Variants in TCERG1 observed in about 807,000 individuals in gnomAD.
The protein encoded by TCERG1 is transcription elongation regulator 1.
TCERG1 carries 37 observed loss-of-function variants against 144.7 expected under a neutral mutation model. The ratio of observed to expected loss-of-function variants is 0.26; its 90% confidence interval spans 0.20 to 0.34. The LOEUF is 0.34. Ranked by LOEUF, TCERG1 falls within the 10% of genes least tolerant of loss-of-function variation. The pLI is 1.00. For synonymous variants in TCERG1, 492 were observed against 458.2 expected, an observed-to-expected ratio of 1.07 and a Z score of -0.94; for missense variants, 1,027 against 1,380.7, an observed-to-expected ratio of 0.74 and a Z score of 4.06.
At chr5:146,477,178 T>G (rs928730798) in intron 9 of TCERG1, among the ~76,000 whole-genome samples, 1 of 148,914 alleles carries the variant, frequency 6.7e-6, no homozygotes, top group Non-Finnish European at 1.5e-5. Flanking sequence ...TTCCTTTTGG[T>G]TTTTTTTTTG....
At chr5:146,509,298 A>C in intron 22 of TCERG1, 53 bp downstream of exon 22, 2 of 1,200,908 alleles carry the variant, frequency 1.7e-6, no homozygotes, top group Non-Finnish European at 2.4e-6. Flanking sequence ...ACTAGTCTTT[A>C]CTCTAATGGT....
chr5:146,458,829 T>G (rs1763060848), intron 3 of TCERG1, 55 bp from the exon 4 acceptor site: 2 of 1,546,706 alleles, frequency 1.3e-6, no homozygotes, highest in Admixed American at 2.0e-5. Context: ...CCATTCTTGT[T>G]TTTAATAATA....
Position 146,510,422 on chromosome 5 carries a change from C to T in TCERG1, c.3147-19C>T. Reference sequence around the variant, plus strand: ...TGAACAGCAGTCAGTAATTCTTGGACTTCTTTTTCTTATTTCAGATCCAAA... The same window carrying T: ...TGAACAGCAGTCAGTAATTCTTGGATTTCTTTTTCTTATTTCAGATCCAAA... On this transcript the variant is annotated intron_variant, in intron 22 of 22. Transcript: ENST00000679501. The T allele has an allele frequency of 1.9e-6, 3 of 1,584,744 alleles. No individual in the cohort carries two copies. The highest frequency in any genetic ancestry group is 2.6e-6 in the Non-Finnish European group (3 of 1,155,510).
chr5:146,453,107 G>T (rs1249371842), intron 1 of TCERG1, among the ~76,000 whole-genome samples: 2 of 152,134 alleles, frequency 1.3e-5, no homozygotes, highest in East Asian at 3.9e-4. Flanking sequence ...AAAAGCACTT[G>T]GGGGAAGAGA....
At position 146,492,913 on chromosome 5, in the gene TCERG1, A is replaced by G. The variant is rs1195571637; in HGVS notation, c.2164-7A>G. ...TGACTTGTCAAATTTGTTGATTTTT[A>G]TAATAGGTGTTTGATCAGTATGTAA... is the stretch of plus-strand genomic sequence containing the variant. On this transcript the variant is annotated splice_region_variant and splice_polypyrimidine_tract_variant and intron_variant, in intron 15 of 22. Coordinates refer to ENST00000679501, the MANE Select transcript of TCERG1 (RefSeq NM_001382548.1). 5 of 1,587,882 alleles carry G rather than the reference A, an allele frequency of 3.1e-6. No individual in the cohort carries two copies. The Admixed American group carries it at 8.8e-5, about 28-fold the overall frequency.
chr5:146,469,163 G>A (rs2150375985), intron 6 of TCERG1, among the ~76,000 whole-genome samples: 1 of 152,184 alleles, frequency 6.6e-6, no homozygotes, highest in East Asian at 1.9e-4. Context: ...AAGGAAATAT[G>A]TGTAGTAAAT....
chr5:146,468,026 T>C (rs1763941795), intron 5 of TCERG1, among the ~76,000 whole-genome samples: 1 of 152,204 alleles, frequency 6.6e-6, no homozygotes, highest in Admixed American at 6.5e-5. Flanking sequence ...TGGGAAAATG[T>C]CCCACATGAG....
At chr5:146,502,484 A>G (rs1767579734) in intron 17 of TCERG1, among the ~76,000 whole-genome samples, 1 of 152,214 alleles carries the variant, frequency 6.6e-6, no homozygotes, top group South Asian at 2.1e-4. Context: ...ATACATAAAA[A>G]TAACTATCTC....
intron 10 of TCERG1, 82 bp downstream of exon 10, chr5:146,478,735 A>G (rs1346753605): frequency 7.3e-7 from 1 of 1,367,036 alleles, no homozygotes; most frequent in African/African-American, 1.5e-5. Context: ...GCATTTAGAA[A>G]CCCTTTATTT....
intron 15 of TCERG1, among the ~76,000 whole-genome samples, chr5:146,490,700 C>T (rs187810105): frequency 2.2e-3 from 340 of 152,206 alleles, no homozygotes; most frequent in Admixed American, 3.9e-3. Flanking sequence ...CTTTTAGTTA[C>T]GGGAAATTCT....
At chr5:146,470,097 A>C (rs974511785) in intron 7 of TCERG1, among the ~76,000 whole-genome samples, 2 of 152,192 alleles carry the variant, frequency 1.3e-5, no homozygotes, top group African/African-American at 4.8e-5. Flanking sequence ...GTTCTGAAGA[A>C]AAAAATTTAG....
chr5:146,460,684 G>A (rs1361927984), intron 4 of TCERG1, among the ~76,000 whole-genome samples: 5 of 152,118 alleles, frequency 3.3e-5, no homozygotes, highest in African/African-American at 9.7e-5. Flanking sequence ...AGTCAAGTAA[G>A]GTACATATAA....
At chr5:146,479,379 A>G (rs1307825635) in intron 10 of TCERG1, among the ~76,000 whole-genome samples, 1 of 152,152 alleles carries the variant, frequency 6.6e-6, no homozygotes, top group Non-Finnish European at 1.5e-5. Flanking sequence ...AATTATAAGT[A>G]ATTTCTGAGT....
intron 14 of TCERG1, 104 bp downstream of exon 14, chr5:146,482,831 G>C (rs1430457449): frequency 1.6e-5 from 21 of 1,322,648 alleles, no homozygotes; most frequent in Middle Eastern, 4.9e-4. Context: ...GTTATGGGGG[G>C]GGATAAGGGG....
chr5:146,485,154 A>G (rs1765713341), intron 15 of TCERG1, among the ~76,000 whole-genome samples: 1 of 152,076 alleles, frequency 6.6e-6, no homozygotes, highest in South Asian at 2.1e-4. Flanking sequence ...TGGCCCTGAT[A>G]TTACTTGAAC....
intron 4 of TCERG1, among the ~76,000 whole-genome samples, chr5:146,462,282 T>C (rs758705872): frequency 2.6e-5 from 4 of 152,220 alleles, no homozygotes; most frequent in Admixed American, 6.5e-5. Flanking sequence ...AAGCACTGTT[T>C]TCATTTTATT....
chr5:146,466,726 T>C (rs530833323), intron 5 of TCERG1, among the ~76,000 whole-genome samples: 20 of 152,352 alleles, frequency 1.3e-4, no homozygotes, highest in African/African-American at 4.8e-4. Flanking sequence ...TTCTATATGG[T>C]CTGTATGTTG....
rs1168989847 is a variant in TCERG1 at position 146,477,692 on chromosome 5, C to CTTT, written c.1602-780_1602-778dup. On this transcript the variant is annotated intron_variant, in intron 9 of 22. Coordinates refer to ENST00000679501, the MANE Select transcript of TCERG1 (RefSeq NM_001382548.1). ...ATGCCCTAGTGCAATTGGTACTTTA[C>CTTT]TTTTTTTTTTTTTTTTTTTTTTTGA... Among the ~76,000 whole-genome samples the CTTT allele has an allele frequency of 6.2e-3, 495 of 79,354 alleles. 6 individuals carry two copies. Among genetic ancestry groups the CTTT allele is most frequent in the East Asian group, 0.022 (55 of 2,526 alleles). The allele number at this position is 79,354 out of a possible 152,430, so 52.1% of individuals were successfully genotyped here.
chr5:146,491,008 T>C lies in TCERG1; in HGVS notation c.2164-1912T>C, dbSNP rs533533105. On this transcript the variant is annotated intron_variant, in intron 15 of 22. Coordinates refer to ENST00000679501, the MANE Select transcript of TCERG1 (RefSeq NM_001382548.1). The stretch of plus-strand genomic sequence containing the variant: ...GGTTGTTTAGGAACATTTTTTTCTT[T>C]TATATTTTTATTTTTCTGTATAGTT... 5.5e-4 allele frequency among the ~76,000 whole-genome samples: 83 copies of C among 152,206 alleles called. 1 individual carries two copies. The highest frequency in any genetic ancestry group is 2.0e-3 in the African/African-American group (81 of 41,538).
Sources: gnomAD v4.1 joint callset for allele counts (sites outside exome capture counted in the v4.1 genomes callset) on GRCh38, gnomAD v4.1.1 for gene constraint, MANE v1.5 for transcripts, NCBI Gene and HGNC (gene_info 2026-07-23, HGNC 2026-07-21) for gene names.